Variants in GLI3 observed in about 807,000 individuals in gnomAD.
GLI3 encodes GLI family zinc finger 3, also known as transcription activator GLI3.
Under a neutral mutation model 100.8 loss-of-function variants are expected in GLI3, and 20 were observed. That is an observed-to-expected ratio of 0.20 (90% CI 0.14 to 0.29). The LOEUF is 0.29. Ranked by LOEUF, GLI3 falls within the 10% of genes least tolerant of loss-of-function variation. GLI3 has a pLI of 1.00. For missense variants in GLI3, 2,040 were observed against 2,128.5 expected, an observed-to-expected ratio of 0.96 and a Z score of 0.82; for synonymous variants, 938 against 860.5, an observed-to-expected ratio of 1.09 and a Z score of -1.58.
At chr7:42,018,691 T>C (rs1424286425) in intron 10 of GLI3, among the ~76,000 whole-genome samples, 2 of 152,202 alleles carry the variant, frequency 1.3e-5, no homozygotes, top group South Asian at 2.1e-4. Flanking sequence ...ATTATGACTG[T>C]GTTCTTCTGA....
chr7:42,132,785 A>G (rs1786325638), intron 3 of GLI3, among the ~76,000 whole-genome samples: 1 of 152,216 alleles, frequency 6.6e-6, no homozygotes, highest in African/African-American at 2.4e-5. Flanking sequence ...CAAATCTGAC[A>G]CCACTGATCA....
intron 1 of GLI3, among the ~76,000 whole-genome samples, chr7:42,261,891 CT>C (rs375622136): frequency 0.12 from 3,025 of 25,664 alleles, 27 homozygotes; most frequent in Middle Eastern, 0.17. Context: ...CTTCCTTTCC[CT>C]TCCCTTCCTT....
intron 1 of GLI3, among the ~76,000 whole-genome samples, chr7:42,262,929 A>G (rs1789160327): frequency 6.7e-6 from 1 of 150,254 alleles, no homozygotes; most frequent in Non-Finnish European, 1.5e-5. Context: ...AGTGCCTTGC[A>G]AGGCAAACCA....
chr7:42,229,381 G>A (rs1178234055), intron 1 of GLI3, among the ~76,000 whole-genome samples: 1 of 152,180 alleles, frequency 6.6e-6, no homozygotes, highest in African/African-American at 2.4e-5. Flanking sequence ...TTCCAGGCGA[G>A]GCAGTGCTAT....
chr7:42,238,025 T>TCTC (rs936105925), upstream of GLI3, among the ~76,000 whole-genome samples: 29 of 108,974 alleles, frequency 2.7e-4, no homozygotes, highest in Non-Finnish European at 3.4e-4. Flanking sequence ...TCCTCCTCCT[T>TCTC]CTCCTCCTCC....
chr7:42,004,872 T>C (rs1788406772), intron 10 of GLI3, among the ~76,000 whole-genome samples: 1 of 152,216 alleles, frequency 6.6e-6, no homozygotes, highest in African/African-American at 2.4e-5. Context: ...TAAATTTAGT[T>C]CAAATCATTC....
At chr7:42,052,717 C>T (rs1013942977) in intron 4 of GLI3, among the ~76,000 whole-genome samples, 8 of 152,208 alleles carry the variant, frequency 5.3e-5, no homozygotes, top group South Asian at 2.1e-4. Context: ...TGTTCCCTAG[C>T]GGAGCAGTGG....
chr7:42,152,672 A>C (rs774178219), intron 2 of GLI3, among the ~76,000 whole-genome samples: 1 of 152,204 alleles, frequency 6.6e-6, no homozygotes, highest in African/African-American at 2.4e-5. Context: ...TGAGAGAAGG[A>C]GGGTTTATTA....
At position 41,965,584 on chromosome 7, in the gene GLI3, G is replaced by A. The variant is rs781610968; in HGVS notation, c.3489C>T (p.Asn1163=). The change falls in exon 15 of 15, where the codon AAC becomes AAT. Residue 1163 remains asparagine, a synonymous_variant. Transcript: ENST00000395925. ...GGTCGGCGCTTCCGGAGCTGACTTC[G>A]TTCCACTGAATGGGCAGGTCGGTTT... ...GSKTDLPIQW[N]EVSSGSADLS... 9 of 1,605,748 alleles carry A rather than the reference G, an allele frequency of 5.6e-6. No homozygotes were observed. The highest frequency in any genetic ancestry group is 3.4e-6 in the Non-Finnish European group (4 of 1,173,460).
At chr7:42,002,238 G>A (rs1193898787) in intron 10 of GLI3, among the ~76,000 whole-genome samples, 3 of 152,064 alleles carry the variant, frequency 2.0e-5, no homozygotes, top group East Asian at 1.9e-4. Context: ...AAAAATTATA[G>A]AGAATTGTTA....
chr7:42,186,546 C>T (rs1018123020), intron 2 of GLI3, among the ~76,000 whole-genome samples: 4 of 152,204 alleles, frequency 2.6e-5, no homozygotes, highest in Non-Finnish European at 5.9e-5. Flanking sequence ...CCAGAGGCAA[C>T]AGCAGCGGAA....
intron 2 of GLI3, among the ~76,000 whole-genome samples, chr7:42,153,391 T>G (rs1362616108): frequency 6.6e-6 from 1 of 152,180 alleles, no homozygotes; most frequent in Non-Finnish European, 1.5e-5. Flanking sequence ...ATAAAATGCC[T>G]TTTATGTTCA....
At chr7:42,205,329 G>C (rs1371029687) in intron 2 of GLI3, among the ~76,000 whole-genome samples, 3 of 152,122 alleles carry the variant, frequency 2.0e-5, no homozygotes, top group South Asian at 2.1e-4. Context: ...CCTAAAGTTA[G>C]GGTAACTTAA....
intron 8 of GLI3, 25 bp downstream of exon 8, chr7:42,026,174 G>C (rs375904354): frequency 1.3e-6 from 2 of 1,560,872 alleles, no homozygotes; most frequent in Non-Finnish European, 1.8e-6. Context: ...CAGCACGGCC[G>C]GGTGCATCGA....
chr7:42,026,108 G>A lies in GLI3; in HGVS notation c.1242+91C>T, dbSNP rs1176131773. 5 of 800,484 alleles carry A rather than the reference G, an allele frequency of 6.2e-6. No individual in the cohort carries two copies. The Admixed American group carries it at 1.0e-4, about 16-fold the overall frequency. The allele number at this position is 800,484 out of a possible 1,614,324, so 49.6% of individuals were successfully genotyped here. The stretch of plus-strand genomic sequence containing the variant: ...CTAGTACAGAGGCTGTGAGAACACA[G>A]AGGTGCCGTGTTGATTAACAGCTGA... On this transcript the variant is annotated intron_variant, in intron 8 of 14. Coordinates refer to ENST00000395925, the MANE Select transcript of GLI3 (RefSeq NM_000168.6).
chr7:41,973,704 C>T (rs145646236), intron 12 of GLI3, among the ~76,000 whole-genome samples: 35 of 152,150 alleles, frequency 2.3e-4, no homozygotes, highest in African/African-American at 8.2e-4. Context: ...AAAAGGATGC[C>T]GTGTCTTGTA....
At chr7:41,971,033 A>G (rs1787350401) in intron 13 of GLI3, among the ~76,000 whole-genome samples, 1 of 152,216 alleles carries the variant, frequency 6.6e-6, no homozygotes, top group Admixed American at 6.5e-5. Flanking sequence ...AAATCATGAT[A>G]AATCTGCATA....
intron 3 of GLI3, among the ~76,000 whole-genome samples, chr7:42,134,323 T>C (rs867437086): frequency 2.2e-4 from 34 of 152,134 alleles, no homozygotes; most frequent in Middle Eastern, 3.2e-3. Flanking sequence ...GACTCGTGTA[T>C]GAGAAACATC....
intron 7 of GLI3, among the ~76,000 whole-genome samples, chr7:42,036,388 G>C (rs901912708): frequency 6.6e-6 from 1 of 152,276 alleles, no homozygotes; most frequent in East Asian, 1.9e-4. Flanking sequence ...AATATTTACT[G>C]AATGGCATCA....
Sources: gnomAD v4.1 joint callset for allele counts (sites outside exome capture counted in the v4.1 genomes callset) on GRCh38, gnomAD v4.1.1 for gene constraint, MANE v1.5 for transcripts, NCBI Gene and HGNC (gene_info 2026-07-23, HGNC 2026-07-21) for gene names.